The following SAMMSON variants were observed in gnomAD, a reference collection of about 807,000 sequenced individuals.
SAMMSON encodes the protein survival associated mitochondrial melanoma specific oncogenic non-coding RNA.
chr3:70,159,113 C>G (rs1374739195), intron 4 of SAMMSON, among the ~76,000 whole-genome samples: 1 of 151,860 alleles, frequency 6.6e-6, no homozygotes, highest in Non-Finnish European at 1.5e-5. Flanking sequence ...TTTCTACAAC[C>G]TTTTTTGATA....
At chr3:70,014,662 T>G (rs2066973964) in intron 3 of SAMMSON, 1 of 152,134 alleles carries the variant, frequency 6.6e-6, no homozygotes, top group Non-Finnish European at 1.5e-5. Context: ...GAGAATGTCT[T>G]TAGGGACAGA....
chr3:70,001,803 CA>C (rs2066906914), intron 1 of SAMMSON, among the ~76,000 whole-genome samples: 1 of 152,090 alleles, frequency 6.6e-6, no homozygotes, highest in Admixed American at 6.5e-5. Context: ...AGGATCAGAA[CA>C]ATATTTGAAA....
chr3:70,339,788 A>G (rs1227653058), intron 7 of SAMMSON, among the ~76,000 whole-genome samples: 4 of 152,134 alleles, frequency 2.6e-5, no homozygotes, highest in Non-Finnish European at 5.9e-5. Context: ...AAATAGGAAC[A>G]CTTTTACACC....
chr3:70,429,449 G>C (rs1211208262), intron 2 of SAMMSON, among the ~76,000 whole-genome samples: 5 of 152,082 alleles, frequency 3.3e-5, no homozygotes, highest in African/African-American at 9.7e-5. Context: ...GGCTATACAG[G>C]CTCTTTTTTG....
chr3:70,356,501 C>G (rs1702830194), intron 8 of SAMMSON, among the ~76,000 whole-genome samples: 1 of 151,800 alleles, frequency 6.6e-6, no homozygotes, highest in Non-Finnish European at 1.5e-5. Context: ...TCTTGATAAC[C>G]CTGAGTTCTG....
At chr3:70,383,932 C>T (rs1703098152) in intron 9 of SAMMSON, among the ~76,000 whole-genome samples, 1 of 152,000 alleles carries the variant, frequency 6.6e-6, no homozygotes, top group Non-Finnish European at 1.5e-5. Flanking sequence ...TGTATCAGCA[C>T]TACCTGTCAA....
intron 4 of SAMMSON, among the ~76,000 whole-genome samples, chr3:70,100,892 T>C (rs1192108481): frequency 6.6e-6 from 1 of 152,232 alleles, no homozygotes; most frequent in African/African-American, 2.4e-5. Context: ...CCTTGTTAGA[T>C]AATATTCTCC....
At chr3:70,084,798 T>TA (rs1189945327) in intron 4 of SAMMSON, 1 of 152,242 alleles carries the variant, frequency 6.6e-6, no homozygotes, top group East Asian at 1.9e-4. Context: ...CTATATGAAT[T>TA]ACTTTGTTTA....
intron 7 of SAMMSON, among the ~76,000 whole-genome samples, chr3:70,326,594 T>G (rs1021297749): frequency 6.6e-6 from 1 of 152,142 alleles, no homozygotes; most frequent in Non-Finnish European, 1.5e-5. Context: ...TCTCTTATAT[T>G]CTGAGCAGAC....
intron 1 of SAMMSON, among the ~76,000 whole-genome samples, chr3:70,000,926 A>G (rs1470819411): frequency 1.3e-5 from 2 of 152,108 alleles, no homozygotes; most frequent in African/African-American, 2.4e-5. Flanking sequence ...ACCCTTGACT[A>G]TTTATCTTGC....
At chr3:70,065,657 AT>A (rs2067206855) in intron 3 of SAMMSON, among the ~76,000 whole-genome samples, 1 of 152,034 alleles carries the variant, frequency 6.6e-6, no homozygotes, top group African/African-American at 2.4e-5. Context: ...GTCTAGAGAC[AT>A]TTTTGGTTGT....
rs1221835466 is a variant in SAMMSON, at chr3:70,106,341, C to A, written n.507+34776C>A. ...GTCTGGAGGGCAGCCTGAGAATCTG[C>A]TTTTTTTTTTTTTTTAAGAGACAGG... On this transcript the variant is annotated intron_variant and non_coding_transcript_variant, in intron 4 of 9. Coordinates refer to ENST00000642114, the Ensembl canonical transcript of SAMMSON. Among the ~76,000 whole-genome samples the A allele has an allele frequency of 2.2e-5, 3 of 137,596 alleles. No individual in the cohort carries two copies. In the East Asian group the frequency reaches 6.3e-4, roughly 29 times the overall value. 90.3% of individuals were successfully genotyped at this position (137,596 alleles called of 152,430 possible). A position where few individuals can be genotyped will look rare whatever the true frequency, so the allele number is the denominator to read the frequency against.
intron 3 of SAMMSON, among the ~76,000 whole-genome samples, chr3:70,050,668 T>C (rs1559781028): frequency 6.6e-6 from 1 of 152,104 alleles, no homozygotes; most frequent in Non-Finnish European, 1.5e-5. Flanking sequence ...TATGGATCTG[T>C]CTTGGTCAAC....
downstream of SAMMSON, among the ~76,000 whole-genome samples, chr3:70,394,166 G>C (rs1300790739): frequency 6.6e-6 from 1 of 152,136 alleles, no homozygotes; most frequent in Non-Finnish European, 1.5e-5. Flanking sequence ...TCAACACAAA[G>C]ACTCATTTCT....
At chr3:70,062,079 G>C (rs992623133) in intron 3 of SAMMSON, among the ~76,000 whole-genome samples, 4 of 152,042 alleles carry the variant, frequency 2.6e-5, no homozygotes, top group Non-Finnish European at 4.4e-5. Context: ...AAGTGCGTTG[G>C]TTTTTTCTTC....
chr3:70,116,460 C>T (rs2067412109), intron 4 of SAMMSON, among the ~76,000 whole-genome samples: 1 of 151,780 alleles, frequency 6.6e-6, no homozygotes, highest in African/African-American at 2.4e-5. Flanking sequence ...TTCCGCAATG[C>T]AAAGGCAACA....
intron 3 of SAMMSON, among the ~76,000 whole-genome samples, chr3:70,015,851 A>G (rs1035051811): frequency 3.3e-5 from 5 of 152,084 alleles, no homozygotes; most frequent in Admixed American, 6.5e-5. Flanking sequence ...GCTGAGAATG[A>G]TGGTTTCCAG....
chr3:70,021,914 C>G (rs577564649), intron 3 of SAMMSON, among the ~76,000 whole-genome samples: 68 of 151,964 alleles, frequency 4.5e-4, no homozygotes, highest in African/African-American at 1.5e-3. Context: ...TTCAAAGAAA[C>G]CTATGAAATC....
chr3:70,055,053 AGTT>A lies in SAMMSON; in HGVS notation n.418-16419_418-16417del, dbSNP rs566289426. Among the ~76,000 whole-genome samples the A allele has an allele frequency of 3.4e-3, 517 of 152,216 alleles. 2 individuals carry two copies. The highest frequency in any genetic ancestry group is 5.4e-3 in the Non-Finnish European group (364 of 67,982). Reference sequence around the variant, plus strand: ...GGTGTGATCTTGATCTTGAAACTGTAGTTGTTTTTTTAAATGTCCTTATATTTT... The same window carrying A: ...GGTGTGATCTTGATCTTGAAACTGTAGTTTTTTTAAATGTCCTTATATTTT... On this transcript the variant is annotated intron_variant and non_coding_transcript_variant, in intron 3 of 9. Transcript: ENST00000642114.
Sources: allele counts gnomAD v4.1 joint callset (sites outside exome capture counted in the v4.1 genomes callset), GRCh38; gene constraint gnomAD v4.1.1; transcripts MANE v1.5; gene names NCBI Gene and HGNC (gene_info 2026-07-23, HGNC 2026-07-21).